PDE11A: variants seen among roughly 807,000 people sequenced by gnomAD.
PDE11A encodes dual 3',5'-cyclic-AMP and -GMP phosphodiesterase 11A.
In PDE11A, 100 loss-of-function variants were observed where a neutral mutation model predicts 100.5. That is an observed-to-expected ratio of 1.00 (90% CI 0.85 to 1.18). PDE11A has a LOEUF of 1.18. PDE11A is among the 50% of genes most tolerant of loss of function. The pLI is 0.00. For missense variants in PDE11A, 1,141 were observed against 1,152.6 expected (o/e 0.99, Z 0.15); for synonymous variants, 381 against 420.8 (o/e 0.91, Z 1.16).
intron 10 of PDE11A, among the ~76,000 whole-genome samples, chr2:177,731,732 T>G (rs1304838349): frequency 2.6e-5 from 4 of 152,228 alleles, no homozygotes; most frequent in East Asian, 1.9e-4. Flanking sequence ...CAAAGGTACT[T>G]AATTAGTCAA....
chr2:177,983,548 T>A lies in PDE11A; in HGVS notation c.1071+30754A>T, dbSNP rs555607392. On this transcript the variant is annotated intron_variant, in intron 2 of 19. Coordinates refer to ENST00000286063, the MANE Select transcript of PDE11A (RefSeq NM_016953.4). ...ATAAATGAAAATAAAGCAGCTATAA[T>A]CAAAACCACACTCTAGGCCATCTAC... 3.9e-5 allele frequency among the ~76,000 whole-genome samples: 6 copies of A among 152,278 alleles called. No homozygotes were observed. In the East Asian group the frequency reaches 1.2e-3, roughly 29 times the overall value.
intron 5 of PDE11A, among the ~76,000 whole-genome samples, chr2:177,854,251 A>G (rs1019536899): frequency 6.6e-6 from 1 of 152,046 alleles, no homozygotes; most frequent in African/African-American, 2.4e-5. Context: ...TACTAGAGTG[A>G]CAAGCTCATT....
intron 9 of PDE11A, among the ~76,000 whole-genome samples, chr2:177,793,115 G>C (rs1330518054): frequency 6.6e-6 from 1 of 152,224 alleles, no homozygotes; most frequent in Non-Finnish European, 1.5e-5. Context: ...GCATGTAAGT[G>C]GGCAGAGGAG....
chr2:177,644,114 C>A (rs1364416164), intron 19 of PDE11A, among the ~76,000 whole-genome samples: 1 of 152,358 alleles, frequency 6.6e-6, no homozygotes, highest in South Asian at 2.1e-4. Context: ...ACAGAGTCCC[C>A]ACCTGGGCAT....
chr2:177,629,608 G>A, intron 19 of PDE11A, 46 bp from the exon 20 acceptor site: 2 of 1,595,732 alleles, frequency 1.3e-6, no homozygotes, highest in South Asian at 1.1e-5. Flanking sequence ...AGAGGAAACA[G>A]AGTAACTGAC....
At chr2:177,789,962 G>T (rs2082604160) in intron 9 of PDE11A, among the ~76,000 whole-genome samples, 1 of 151,238 alleles carries the variant, frequency 6.6e-6, no homozygotes, top group South Asian at 2.1e-4. Context: ...TGGCCATACT[G>T]CCCAAGGTAA....
intron 15 of PDE11A, chr2:177,687,359 T>C (rs1453573902): frequency 6.6e-6 from 1 of 152,216 alleles, no homozygotes; most frequent in Non-Finnish European, 1.5e-5. Context: ...TCCTTATAAT[T>C]TTACTAGGCA....
At chr2:178,034,538 A>G (rs1430857131) in intron 1 of PDE11A, among the ~76,000 whole-genome samples, 1 of 152,222 alleles carries the variant, frequency 6.6e-6, no homozygotes, top group Non-Finnish European at 1.5e-5. Context: ...ATAGACATCT[A>G]CAGAACTCTC....
At chr2:178,071,167 T>C (rs2087122041) in intron 1 of PDE11A, among the ~76,000 whole-genome samples, 1 of 152,214 alleles carries the variant, frequency 6.6e-6, no homozygotes, top group African/African-American at 2.4e-5. Flanking sequence ...CATCTTTTTC[T>C]AGCAACTCAC....
chr2:177,902,840 CA>C (rs2084718735), intron 3 of PDE11A, among the ~76,000 whole-genome samples: 1 of 152,166 alleles, frequency 6.6e-6, no homozygotes, highest in Non-Finnish European at 1.5e-5. Context: ...GGAAATCTGT[CA>C]CTTCTCACTG....
intron 2 of PDE11A, among the ~76,000 whole-genome samples, chr2:178,098,541 G>A (rs532414510): frequency 2.0e-5 from 3 of 152,288 alleles, no homozygotes. Context: ...AGGAGGATAA[G>A]CAGATGTTGC....
At chr2:178,002,980 C>G (rs754268567) in intron 2 of PDE11A, among the ~76,000 whole-genome samples, 1 of 152,048 alleles carries the variant, frequency 6.6e-6, no homozygotes, top group Non-Finnish European at 1.5e-5. Flanking sequence ...CAGGGTAAGA[C>G]AAATGAAAAC....
chr2:177,704,850 C>CT (rs139274145), intron 13 of PDE11A, among the ~76,000 whole-genome samples: 8,125 of 151,224 alleles, frequency 0.054, 305 homozygotes, highest in Middle Eastern at 0.099. Flanking sequence ...TGTGAAACCT[C>CT]TTTTTTTTTG....
intron 5 of PDE11A, among the ~76,000 whole-genome samples, chr2:177,851,547 T>C (rs1324706693): frequency 6.6e-6 from 1 of 152,090 alleles, no homozygotes; most frequent in African/African-American, 2.4e-5. Context: ...ATAATAAAAA[T>C]AAAAGAAGTG....
chr2:177,780,593 G>A (rs1287120384), intron 9 of PDE11A, among the ~76,000 whole-genome samples: 1 of 152,216 alleles, frequency 6.6e-6, no homozygotes, highest in Non-Finnish European at 1.5e-5. Context: ...TTGAAAATCT[G>A]TTGTCTACTG....
At chr2:177,960,429 AT>A (rs1385966493) in intron 2 of PDE11A, among the ~76,000 whole-genome samples, 1 of 152,150 alleles carries the variant, frequency 6.6e-6, no homozygotes, top group Admixed American at 6.5e-5. Context: ...ATTTATGAGT[AT>A]TTTTTGAAAT....
intron 12 of PDE11A, among the ~76,000 whole-genome samples, chr2:177,715,564 ATTTTCTTATCTCCTC>A (rs2081425895): frequency 6.7e-6 from 1 of 150,132 alleles, no homozygotes; most frequent in Admixed American, 6.6e-5. Context: ...TCTGGTACTG[ATTTTCTTATCTCCTC>A]TTTTCTGTTT....
Position 177,928,269 on chromosome 2 carries a change from G to A in PDE11A, c.1072-23082C>T, listed in dbSNP as rs2085158554. Among the ~76,000 whole-genome samples, 3 of 152,258 alleles carry A rather than the reference G, an allele frequency of 2.0e-5. No homozygotes were observed. The South Asian group carries it at 6.2e-4, about 32-fold the overall frequency. ...TGTACACTTTGGTAGGCTGAAGTAG[G>A]AGGATCACTTGAAGCCAGGAGTTTG... On this transcript the variant is annotated intron_variant, in intron 2 of 19. Coordinates refer to ENST00000286063, the MANE Select transcript of PDE11A (RefSeq NM_016953.4).
chr2:177,935,229 T>C (rs2085257123), intron 2 of PDE11A, among the ~76,000 whole-genome samples: 2 of 152,232 alleles, frequency 1.3e-5, no homozygotes, highest in African/African-American at 4.8e-5. Context: ...TTTTGAATTA[T>C]GTAATTACTC....
Sources: gnomAD v4.1 joint callset for allele counts (sites outside exome capture counted in the v4.1 genomes callset) on GRCh38, gnomAD v4.1.1 for gene constraint, MANE v1.5 for transcripts, NCBI Gene and HGNC (gene_info 2026-07-23, HGNC 2026-07-21) for gene names.